BLTP1: variants seen among roughly 807,000 people sequenced by gnomAD.
BLTP1 encodes bridge-like lipid transfer protein family member 1.
At chr4:122,359,296 C>A in the BLTP1 span, 1 of 973,858 alleles carries the variant, frequency 1.0e-6, no homozygotes, top group Non-Finnish European at 1.2e-6. Context: ...AGGAAACCTA[C>A]AACTATCAAT....
the BLTP1 span, among the ~76,000 whole-genome samples, chr4:122,338,718 G>A: frequency 1.3e-5 from 2 of 151,978 alleles, no homozygotes; most frequent in African/African-American, 2.4e-5. Flanking sequence ...CTGTATATGC[G>A]GGTTTTTCAT....
the BLTP1 span, among the ~76,000 whole-genome samples, chr4:122,230,373 T>A: frequency 6.6e-6 from 1 of 152,202 alleles, no homozygotes; most frequent in Admixed American, 6.5e-5. Flanking sequence ...GGACCTGATA[T>A]TTAAGTAAAT....
the BLTP1 span, among the ~76,000 whole-genome samples, chr4:122,277,309 C>T: frequency 6.6e-6 from 1 of 152,216 alleles, no homozygotes; most frequent in South Asian, 2.1e-4. Context: ...TCACTGCACT[C>T]CAGCCTGGGC....
the BLTP1 span, chr4:122,240,119 A>G: frequency 5.0e-6 from 8 of 1,613,934 alleles, no homozygotes; most frequent in Admixed American, 5.0e-5. Context: ...TAGAACATCT[A>G]TATATTGTAG....
At chr4:122,162,755 AT>A in the BLTP1 span, 2 of 637,966 alleles carry the variant, frequency 3.1e-6, no homozygotes, top group Non-Finnish European at 3.9e-6. Context: ...ACTGGGAGTA[AT>A]AAGAAGAAAA....
At chr4:122,205,895 C>T in the BLTP1 span, 1 of 962,576 alleles carries the variant, frequency 1.0e-6, no homozygotes, top group Non-Finnish European at 1.2e-6. Flanking sequence ...TAGGAGGAGC[C>T]CTTTTATTGA....
the BLTP1 span, chr4:122,312,862 A>G: frequency 1.2e-6 from 1 of 840,304 alleles, no homozygotes; most frequent in Non-Finnish European, 1.4e-6. Flanking sequence ...TTACAAAAGG[A>G]CATTAAAGAT....
At chr4:122,219,074 T>A in the BLTP1 span, 2 of 859,276 alleles carry the variant, frequency 2.3e-6, no homozygotes, top group Non-Finnish European at 2.8e-6. Flanking sequence ...TTACAAGGTT[T>A]TGCTGTAATT....
At chr4:122,306,608 T>C in the BLTP1 span, 1 of 978,572 alleles carries the variant, frequency 1.0e-6, no homozygotes, top group Admixed American at 6.2e-5. Context: ...AAATTTACTT[T>C]TATATCCCAG....
At chr4:122,245,105 G>T in the BLTP1 span, 4 of 1,610,638 alleles carry the variant, frequency 2.5e-6, no homozygotes, top group African/African-American at 4.0e-5. Context: ...CCTCAGGGAA[G>T]CTGTCCAAAA....
the BLTP1 span, chr4:122,204,253 C>T: frequency 2.5e-6 from 2 of 788,124 alleles, no homozygotes; most frequent in African/African-American, 1.9e-5. Context: ...CATGTAAGAC[C>T]TGAGTACAGA....
At chr4:122,296,376 C>A in the BLTP1 span, among the ~76,000 whole-genome samples, 1 of 152,160 alleles carries the variant, frequency 6.6e-6, no homozygotes, top group Non-Finnish European at 1.5e-5. Context: ...TGATGGACCT[C>A]TTCAAGGAGA....
the BLTP1 span, chr4:122,350,102 A>G: frequency 6.3e-7 from 1 of 1,597,190 alleles, no homozygotes; most frequent in South Asian, 1.1e-5. Flanking sequence ...GCTTTTATAT[A>G]TGCTTTATCT....
chr4:122,362,416 G>T, the BLTP1 span: 1 of 527,482 alleles, frequency 1.9e-6, no homozygotes, highest in East Asian at 3.2e-5. Context: ...TGTGTACAGT[G>T]AAGTATTGCA....
At chr4:122,265,387 A>C in the BLTP1 span, among the ~76,000 whole-genome samples, 1 of 152,140 alleles carries the variant, frequency 6.6e-6, no homozygotes, top group African/African-American at 2.4e-5. Flanking sequence ...ACATTGTTAT[A>C]TTTTATTGGT....
the BLTP1 span, chr4:122,262,632 T>C: frequency 9.3e-7 from 1 of 1,071,084 alleles, no homozygotes; most frequent in South Asian, 1.8e-5. Flanking sequence ...AATCCTAGTA[T>C]ACATGATCAG....
chr4:122,257,149 T>G, the BLTP1 span: 1 of 1,155,458 alleles, frequency 8.7e-7, no homozygotes, highest in Non-Finnish European at 1.2e-6. Flanking sequence ...AATTTCTTTA[T>G]CTCTAAATGA....
the BLTP1 span, chr4:122,306,606 T>G: frequency 2.0e-6 from 2 of 979,246 alleles, no homozygotes; most frequent in Non-Finnish European, 2.4e-6. Flanking sequence ...TGAAATTTAC[T>G]TTTATATCCC....
chr4:122,323,442 T>C, the BLTP1 span, among the ~76,000 whole-genome samples: 9 of 118,122 alleles, frequency 7.6e-5, no homozygotes, highest in African/African-American at 1.8e-4. Flanking sequence ...AGAACCCTCT[T>C]TTTTTTTTTT....
Sources: gnomAD v4.1 joint callset for allele counts (sites outside exome capture counted in the v4.1 genomes callset) on GRCh38, gnomAD v4.1.1 for gene constraint, MANE v1.5 for transcripts, NCBI Gene and HGNC (gene_info 2026-07-23, HGNC 2026-07-21) for gene names.